Variants in ZNF516 observed in about 807,000 individuals in gnomAD.
ZNF516 encodes zinc finger protein 516.
In ZNF516, 19 loss-of-function variants were observed where a neutral mutation model predicts 79.7. The observed-to-expected ratio is 0.24, with a 90% confidence interval of 0.17 to 0.35. The LOEUF (loss-of-function observed/expected upper bound fraction) is 0.35. ZNF516 is among the 10% of genes least tolerant of loss of function. The probability of loss-of-function intolerance (pLI) is 1.00; values close to 1 mark genes in which losing one functional copy is unlikely to be tolerated. For missense variants in ZNF516, 1,678 were observed against 1,679.5 expected, an observed-to-expected ratio of 1.00 and a Z score of 0.02; for synonymous variants, 877 against 739.5, an observed-to-expected ratio of 1.19 and a Z score of -3.02.
At chr18:76,382,026 G>A (rs1047859069) in intron 3 of ZNF516, among the ~76,000 whole-genome samples, 19 of 152,302 alleles carry the variant, frequency 1.2e-4, no homozygotes, top group East Asian at 5.8e-4. Flanking sequence ...CAGCTACTCC[G>A]GAGGCTGAGG....
At chr18:76,366,089 T>C (rs2074607768) in intron 6 of ZNF516, among the ~76,000 whole-genome samples, 1 of 152,210 alleles carries the variant, frequency 6.6e-6, no homozygotes, top group African/African-American at 2.4e-5. Flanking sequence ...AGACTGCCAC[T>C]AGTGTCACCA....
Position 76,442,299 on chromosome 18 carries a change from C to T in ZNF516, c.756G>A (p.Val252=), listed in dbSNP as rs1911721315. Residue 252 remains valine, a synonymous_variant, in exon 3 of 7, where the codon GTG becomes GTA. Coordinates refer to ENST00000443185, the MANE Select transcript of ZNF516 (RefSeq NM_014643.4). Reference sequence around the variant, plus strand: ...AGGTCTGGCTGAAGGCCTGGCCACACACCTCGCACGGGAACTCCCCGGGGC... The same window carrying T: ...AGGTCTGGCTGAAGGCCTGGCCACATACCTCGCACGGGAACTCCCCGGGGC... ...ELSPGEFPCE[V]CGQAFSQTWF... is the part of the protein sequence containing the mutation. 1.9e-6 allele frequency: 3 copies of T among 1,612,516 alleles called. No homozygotes were observed. Among genetic ancestry groups the T allele is most frequent in the South Asian group, 1.1e-5 (1 of 90,974 alleles).
In ZNF516 at chr18:76,371,528, G is replaced by A. The variant is rs778038589; in HGVS notation, c.3303C>T (p.Ile1101=). 61 of 1,610,770 alleles carry A rather than the reference G, an allele frequency of 3.8e-5. No homozygotes were observed. Among genetic ancestry groups the A allele is most frequent in the Non-Finnish European group, 4.4e-5 (52 of 1,179,810 alleles). The part of the protein sequence containing the change: ...TQARPGEFVC[I]ECGKSFHQPG... ...GCTGGTGGAAGCTCTTTCCGCACTC[G>A]ATGCAGACGAACTCTCCTGGCCGGG... The change falls in exon 5 of 7, where the codon ATC becomes ATT. Residue 1101 remains isoleucine (I), a synonymous_variant. Coordinates refer to ENST00000443185, the MANE Select transcript of ZNF516 (RefSeq NM_014643.4).
intron 1 of ZNF516, among the ~76,000 whole-genome samples, chr18:76,484,949 T>C (rs1914743834): frequency 6.6e-6 from 1 of 152,242 alleles, no homozygotes; most frequent in Admixed American, 6.5e-5. Context: ...ATTTTAATCC[T>C]ACCACTAAAC....
At chr18:76,365,663 C>A (rs1037044016) in intron 6 of ZNF516, among the ~76,000 whole-genome samples, 2 of 152,216 alleles carry the variant, frequency 1.3e-5, no homozygotes, top group African/African-American at 4.8e-5. Flanking sequence ...GATCAGCGGT[C>A]CTTGATATTG....
At position 76,441,539 on chromosome 18, in the gene ZNF516, C is replaced by G. The variant is rs573812166; in HGVS notation, c.1516G>C (p.Ala506Pro). ...RSAARPNRRA[A>P]ATTGQGKSSE... is the part of the protein sequence containing the mutation. ...GACTTGCCCTGGCCGGTGGTGGCTG[C>G]GGCCCTGCGGTTGGGGCGCGCGGCC... The change falls in exon 3 of 7, where the codon GCA becomes CCA. Residue 506 changes from alanine (A) to proline (P), a missense_variant. Transcript: ENST00000443185. 6.4e-7 allele frequency: 1 copy of G among 1,561,588 alleles called. No homozygotes were observed.
intron 6 of ZNF516, among the ~76,000 whole-genome samples, chr18:76,362,955 T>C (rs1319036092): frequency 6.6e-6 from 1 of 152,114 alleles, no homozygotes; most frequent in Non-Finnish European, 1.5e-5. Flanking sequence ...ACAAAGCAGA[T>C]TTACAAGTGA....
chr18:76,380,438 C>T (rs1239009765), intron 3 of ZNF516, 135 bp from the exon 4 acceptor site: 8 of 1,213,872 alleles, frequency 6.6e-6, no homozygotes, highest in Non-Finnish European at 8.9e-6. Context: ...GTCTGGGTGG[C>T]TCTTAGAAAA....
In ZNF516 at chr18:76,452,488, G is replaced by A. The variant is rs564190052; in HGVS notation, c.-157-9277C>T. On this transcript the variant is annotated intron_variant, in intron 2 of 6. Transcript: ENST00000443185. Reference sequence around the variant, plus strand: ...TTTAAGCACAGCCTTCTCCGGCTCTGCACCTCAGACCACGGGCTGGAGTCA... The same window carrying A: ...TTTAAGCACAGCCTTCTCCGGCTCTACACCTCAGACCACGGGCTGGAGTCA... Among the ~76,000 whole-genome samples, 19 of 152,302 alleles carry A rather than the reference G, an allele frequency of 1.2e-4. No individual in the cohort carries two copies. The South Asian group carries it at 3.7e-3, about 30-fold the overall frequency.
Position 76,447,087 on chromosome 18 carries a change from G to T in ZNF516, c.-157-3876C>A, listed in dbSNP as rs563199936. ...TCCCTGCAACGAACTCTCCTAAGGG[G>T]TTACTCAGTGGCCAAATCAAAAGAT... On this transcript the variant is annotated intron_variant, in intron 2 of 6. Coordinates refer to ENST00000443185, the MANE Select transcript of ZNF516 (RefSeq NM_014643.4). Among the ~76,000 whole-genome samples, 4 of 152,264 alleles carry T rather than the reference G, an allele frequency of 2.6e-5. 1 individual carries two copies. The South Asian group carries it at 8.3e-4, about 32-fold the overall frequency.
Position 76,383,380 on chromosome 18 carries a change from C to A in ZNF516, c.1811-3077G>T, listed in dbSNP as rs370260769. ...AGGGACCCAGGACCCTCTTCTCCAC[C>A]AGGCACCTTCTCAGCCAGGGACCCA... is the stretch of plus-strand genomic sequence containing the variant. On this transcript the variant is annotated intron_variant, in intron 3 of 6. Transcript: ENST00000443185. 3.0e-4 allele frequency among the ~76,000 whole-genome samples: 45 copies of A among 150,134 alleles called. 2 individuals carry two copies. The South Asian group carries it at 9.6e-3, about 32-fold the overall frequency.
intron 4 of ZNF516, among the ~76,000 whole-genome samples, chr18:76,376,820 C>T (rs567075463): frequency 2.0e-4 from 30 of 152,184 alleles, no homozygotes; most frequent in East Asian, 3.9e-4. Flanking sequence ...ACTATGAGTC[C>T]GGTGGATCAA....
chr18:76,489,070 G>T (rs565991595), intron 1 of ZNF516, among the ~76,000 whole-genome samples: 3 of 152,190 alleles, frequency 2.0e-5, no homozygotes, highest in African/African-American at 7.2e-5. Context: ...TATCTCTACA[G>T]CATTAAGGTA....
intron 6 of ZNF516, among the ~76,000 whole-genome samples, chr18:76,363,665 C>T (rs993567428): frequency 2.0e-5 from 3 of 152,182 alleles, no homozygotes; most frequent in Admixed American, 6.5e-5. Flanking sequence ...CTGCAGTAAA[C>T]GGACAAAGAC....
intron 3 of ZNF516, among the ~76,000 whole-genome samples, chr18:76,423,280 G>T (rs1210805209): frequency 1.3e-5 from 2 of 152,190 alleles, no homozygotes; most frequent in Non-Finnish European, 2.9e-5. Context: ...TTCCTGTGTG[G>T]AGAGAAACAA....
intron 1 of ZNF516, among the ~76,000 whole-genome samples, chr18:76,475,203 G>A (rs1361625045): frequency 2.0e-5 from 3 of 152,144 alleles, no homozygotes; most frequent in African/African-American, 4.8e-5. Context: ...AACAAATCAT[G>A]AATAACTTCA....
At chr18:76,474,118 T>C (rs968078904) in intron 1 of ZNF516, among the ~76,000 whole-genome samples, 2 of 152,048 alleles carry the variant, frequency 1.3e-5, no homozygotes, top group Non-Finnish European at 2.9e-5. Flanking sequence ...TAGAAACAGC[T>C]ACAGTGAATA....
At chr18:76,363,511 T>C (rs1006050701) in intron 6 of ZNF516, among the ~76,000 whole-genome samples, 17 of 152,186 alleles carry the variant, frequency 1.1e-4, no homozygotes, top group African/African-American at 4.1e-4. Context: ...TGGCATGTAG[T>C]GGAAGTCAGA....
upstream of ZNF516, chr18:76,496,238 G>A (rs1443896933): frequency 1.6e-6 from 2 of 1,256,966 alleles, no homozygotes; most frequent in African/African-American, 3.1e-5. Flanking sequence ...GACCCGGGGA[G>A]CTGCGGCCTG....
Sources: allele counts gnomAD v4.1 joint callset (sites outside exome capture counted in the v4.1 genomes callset), GRCh38; gene constraint gnomAD v4.1.1; transcripts MANE v1.5; gene names NCBI Gene and HGNC (gene_info 2026-07-23, HGNC 2026-07-21).